Variants in EFCAB6 observed in about 807,000 individuals in gnomAD.
EFCAB6 encodes the protein EF-hand calcium-binding domain-containing protein 6.
EFCAB6 carries 156 observed loss-of-function variants against 169.8 expected under a neutral mutation model. The ratio of observed to expected loss-of-function variants is 0.92; its 90% confidence interval spans 0.81 to 1.05. The LOEUF (loss-of-function observed/expected upper bound fraction) is 1.05, where lower values mean the gene tolerates loss of function less well. Ranked by LOEUF, EFCAB6 falls within the 50% of genes least tolerant of loss-of-function variation. The pLI is 0.00. For synonymous variants in EFCAB6, 698 were observed against 676.4 expected (o/e 1.03, Z -0.50); for missense variants, 1,800 against 1,829.1 (o/e 0.98, Z 0.29).
At chr22:43,806,468 A>G (rs1299878116) in intron 2 of EFCAB6, among the ~76,000 whole-genome samples, 1 of 151,912 alleles carries the variant, frequency 6.6e-6, no homozygotes, top group African/African-American at 2.4e-5. Context: ...CTGGTCTCGA[A>G]TTTCTGGGCT....
rs768584681 is a variant in EFCAB6, at chr22:43,626,637, C to T, written c.2275G>A (p.Gly759Ser). ...TGAAGGTCATGCATGTTGATTATGC[C>T]ATCCCTGTCAGCATCTGTTTTAAAG... ...AFFKTDADRD[G>S]IINMHDLHRL... The change falls in exon 20 of 32, where the codon GGC (glycine) becomes AGC (serine). Residue 759 changes from glycine to serine, a missense_variant. By Grantham distance (56) the Gly-to-Ser change is moderately conservative (BLOSUM62 0). Transcript: ENST00000262726. 3 of 1,614,170 alleles carry T rather than the reference C, an allele frequency of 1.9e-6. No homozygotes were observed. In the South Asian group the frequency reaches 3.3e-5, roughly 18 times the overall value.
intron 8 of EFCAB6, among the ~76,000 whole-genome samples, chr22:43,729,640 T>C (rs2059864132): frequency 6.6e-6 from 1 of 152,154 alleles, no homozygotes; most frequent in African/African-American, 2.4e-5. Context: ...AAAACGTAAC[T>C]TCAGATACAA....
At chr22:43,810,060 A>G (rs1194508862) in intron 1 of EFCAB6, among the ~76,000 whole-genome samples, 1 of 150,494 alleles carries the variant, frequency 6.6e-6, no homozygotes, top group African/African-American at 2.5e-5. Context: ...GCCACCATAG[A>G]TATGGGGGGG....
At chr22:43,603,678 G>A (rs1454140596) in intron 22 of EFCAB6, among the ~76,000 whole-genome samples, 15 of 152,264 alleles carry the variant, frequency 9.9e-5, no homozygotes, top group Non-Finnish European at 7.3e-5. Context: ...GGCAGAATGA[G>A]GAGGTGTGGT....
chr22:43,760,342 T>G (rs1169848605), intron 5 of EFCAB6, among the ~76,000 whole-genome samples: 1 of 152,244 alleles, frequency 6.6e-6, no homozygotes, highest in Non-Finnish European at 1.5e-5. Context: ...CTGTCACTGT[T>G]GAGAGGTTGG....
intron 24 of EFCAB6, among the ~76,000 whole-genome samples, chr22:43,585,472 A>G (rs1176292761): frequency 6.6e-6 from 1 of 152,206 alleles, no homozygotes; most frequent in African/African-American, 2.4e-5. Context: ...ATATCCAAAG[A>G]CTGGGAAAAT....
Position 43,795,091 on chromosome 22 carries a change from C to T in EFCAB6, c.-7-12766G>A, listed in dbSNP as rs1306135264. Reference sequence around the variant, plus strand: ...TCGTCACAGACAGTCTACCCTCACACACTGTAAGACCCACCCCCACAAACC... The same window carrying T: ...TCGTCACAGACAGTCTACCCTCACATACTGTAAGACCCACCCCCACAAACC... On this transcript the variant is annotated intron_variant, in intron 2 of 31. Transcript: ENST00000262726. The surrounding 1 kb of genome is among the most constrained non-coding windows in gnomAD (Gnocchi z 4.2). Among the ~76,000 whole-genome samples, 4 of 152,140 alleles carry T rather than the reference C, an allele frequency of 2.6e-5. No homozygotes were observed. Among genetic ancestry groups the T allele is most frequent in the Non-Finnish European group, 4.4e-5 (3 of 68,034 alleles).
chr22:43,792,288 G>A (rs2062324605), intron 2 of EFCAB6, among the ~76,000 whole-genome samples: 1 of 152,194 alleles, frequency 6.6e-6, no homozygotes, highest in African/African-American at 2.4e-5. Flanking sequence ...ACCTGTGGTT[G>A]TGTGTTTTTC....
chr22:43,700,294 T>C (rs1355024085), intron 10 of EFCAB6, among the ~76,000 whole-genome samples: 2 of 151,384 alleles, frequency 1.3e-5, no homozygotes, highest in Non-Finnish European at 1.5e-5. Context: ...ATTTTAGAAA[T>C]ATCAAGCTCA....
Position 43,572,702 on chromosome 22 carries a change from GCC to G in EFCAB6, c.3420+3593_3420+3594del, listed in dbSNP as rs2049968813. On this transcript the variant is annotated intron_variant, in intron 26 of 31. Transcript: ENST00000262726. The surrounding 1 kb of genome is among the most constrained non-coding windows in gnomAD (Gnocchi z 4.0). ...TCGCTCGGATGTCACCCCTCGACAG[GCC>G]CTCCCTTCTGCTCTGCTCCATTTTT... 6.6e-6 allele frequency among the ~76,000 whole-genome samples: 1 copy of G among 152,132 alleles called. No individual in the cohort carries two copies. Among genetic ancestry groups the G allele is most frequent in the Non-Finnish European group, 1.5e-5 (1 of 68,012 alleles).
intron 25 of EFCAB6, 65 bp from the exon 26 acceptor site, chr22:43,576,553 C>T: frequency 7.3e-7 from 1 of 1,367,534 alleles, no homozygotes; most frequent in African/African-American, 1.5e-5. Flanking sequence ...AAAACACTTT[C>T]CTTAAGTACT....
chr22:43,769,908 G>A (rs2061418519), intron 4 of EFCAB6, among the ~76,000 whole-genome samples: 1 of 151,086 alleles, frequency 6.6e-6, no homozygotes, highest in Admixed American at 6.6e-5. Context: ...AGGCTGGAGT[G>A]CAGTGGCACC....
intron 9 of EFCAB6, among the ~76,000 whole-genome samples, chr22:43,714,251 T>G (rs929081222): frequency 3.3e-5 from 5 of 151,754 alleles, no homozygotes; most frequent in Non-Finnish European, 7.4e-5. Flanking sequence ...AAGAATTAAA[T>G]CAACTTGAGA....
chr22:43,781,879 T>A (rs890484224), intron 3 of EFCAB6, among the ~76,000 whole-genome samples: 7 of 152,112 alleles, frequency 4.6e-5, no homozygotes, highest in African/African-American at 1.7e-4. Flanking sequence ...CTAAAAAAAA[T>A]TAAGTCTACT....
chr22:43,633,721 G>A lies in EFCAB6; in HGVS notation c.2098+1381C>T, dbSNP rs530190164. Reference sequence around the variant, plus strand: ...CCTGTTGCTCCTGCGCCCTCCCCACGGTGTGGTGGGCAGATGGATGGGGGA... The same window carrying A: ...CCTGTTGCTCCTGCGCCCTCCCCACAGTGTGGTGGGCAGATGGATGGGGGA... On this transcript the variant is annotated intron_variant, in intron 18 of 31. Coordinates refer to ENST00000262726, the MANE Select transcript of EFCAB6 (RefSeq NM_022785.4). Among the ~76,000 whole-genome samples, 6 of 152,258 alleles carry A rather than the reference G, an allele frequency of 3.9e-5. No homozygotes were observed. In the South Asian group the frequency reaches 6.2e-4, roughly 16 times the overall value.
At chr22:43,580,798 C>T in intron 24 of EFCAB6, 139 bp from the exon 25 acceptor site, 1 of 813,244 alleles carries the variant, frequency 1.2e-6, no homozygotes, top group African/African-American at 1.7e-5. Flanking sequence ...GCTGTACGTG[C>T]AGACATGGCA....
At chr22:43,749,448 T>C (rs1194784237) in intron 6 of EFCAB6, among the ~76,000 whole-genome samples, 1 of 152,074 alleles carries the variant, frequency 6.6e-6, no homozygotes, top group African/African-American at 2.4e-5. Flanking sequence ...AATTTTTCCA[T>C]GGGCCAGTGG....
At position 43,678,035 on chromosome 22, in the gene EFCAB6, G is replaced by A; in HGVS notation, c.1380C>T (p.Asn460=). ...MLDPGDTGVV[N]TSMFIDLIEE... ...CAATCAGATCAATAAACATGCTGGT[G>A]TTGACCACTCCAGTGTCCCCAGGGT... Residue 460 remains asparagine (N), a synonymous_variant, in exon 13 of 32, where the codon AAC becomes AAT. Coordinates refer to ENST00000262726, the MANE Select transcript of EFCAB6 (RefSeq NM_022785.4). 1.2e-6 allele frequency: 2 copies of A among 1,614,028 alleles called. No individual in the cohort carries two copies. The highest frequency in any genetic ancestry group is 1.7e-6 in the Non-Finnish European group (2 of 1,179,994).
rs927948022 is a variant in EFCAB6 at position 43,784,440 on chromosome 22, C to T, written c.-7-2115G>A. On this transcript the variant is annotated intron_variant, in intron 2 of 31. Coordinates refer to ENST00000262726, the MANE Select transcript of EFCAB6 (RefSeq NM_022785.4). ...CTGAGGCAGGAGAACTGCTTGAGGCCAGGAGATCAAGACCACCCTGGGCAA... is the reference window on the plus strand; with the variant it reads ...CTGAGGCAGGAGAACTGCTTGAGGCTAGGAGATCAAGACCACCCTGGGCAA... 1.4e-4 allele frequency among the ~76,000 whole-genome samples: 21 copies of T among 145,466 alleles called. 1 individual carries two copies. Among genetic ancestry groups the T allele is most frequent in the African/African-American group, 4.4e-4 (17 of 39,076 alleles).
Sources: allele counts gnomAD v4.1 joint callset (sites outside exome capture counted in the v4.1 genomes callset), GRCh38; gene constraint gnomAD v4.1.1; non-coding constraint Gnocchi (gnomAD v3.1); transcripts MANE v1.5; gene names NCBI Gene and HGNC (gene_info 2026-07-23, HGNC 2026-07-21).